RYR2: variants seen among roughly 807,000 people sequenced by gnomAD.
RYR2 encodes ryanodine receptor 2, also known as cardiac muscle ryanodine receptor-calcium release channel.
A neutral mutation model predicts 601.1 loss-of-function variants in RYR2; 227 were observed. That is an observed-to-expected ratio of 0.38 (90% confidence interval 0.34 to 0.42). RYR2 has a LOEUF of 0.42. Ranked by LOEUF, RYR2 falls within the 10% of genes least tolerant of loss-of-function variation. RYR2 has a pLI of 1.00. For synonymous variants in RYR2, 2,223 were observed against 2,175.1 expected, an observed-to-expected ratio of 1.02 and a Z score of -0.61; for missense variants, 4,646 against 6,156.5, an observed-to-expected ratio of 0.75 and a Z score of 8.21.
At chr1:237,158,978 T>A (rs374421549) in intron 1 of RYR2, among the ~76,000 whole-genome samples, 2 of 152,190 alleles carry the variant, frequency 1.3e-5, no homozygotes, top group Non-Finnish European at 2.9e-5. Flanking sequence ...GTGTAAGTCA[T>A]CCACTGGTGT....
At chr1:237,190,723 C>T (rs1388124041) in intron 1 of RYR2, among the ~76,000 whole-genome samples, 2 of 152,158 alleles carry the variant, frequency 1.3e-5, no homozygotes, top group Non-Finnish European at 2.9e-5. Flanking sequence ...TGTGCATAGG[C>T]TGCATGTGAA....
chr1:237,134,406 G>A (rs1384208816), intron 1 of RYR2, among the ~76,000 whole-genome samples: 1 of 152,214 alleles, frequency 6.6e-6, no homozygotes, highest in Non-Finnish European at 1.5e-5. Context: ...AGGCCCCACA[G>A]TCATGGCGGA....
At chr1:237,720,703 C>T (rs16832084) in intron 73 of RYR2, among the ~76,000 whole-genome samples, 4,187 of 152,222 alleles carry the variant, frequency 0.028, 189 homozygotes, top group African/African-American at 0.094. Flanking sequence ...CTAGACCATA[C>T]CTGGAGCACC....
In RYR2 at chr1:237,150,754, T is replaced by G. The variant is rs151277956; in HGVS notation, c.48+108185T>G. 7.4e-3 allele frequency among the ~76,000 whole-genome samples: 1,132 copies of G among 152,288 alleles called. 52 individuals carry two copies. The highest frequency in any genetic ancestry group is 0.068 in the Admixed American group (1,042 of 15,288). ...AGATGAAGCTCTTGAATGTTTTAGC[T>G]GGAGGATTCTGGAAATCCTTCTGGA... On this transcript the variant is annotated intron_variant, in intron 1 of 104. Coordinates refer to ENST00000366574, the MANE Select transcript of RYR2 (RefSeq NM_001035.3).
At position 237,666,602 on chromosome 1, in the gene RYR2, A is replaced by G; in HGVS notation, c.8514+13A>G. The G allele has an allele frequency of 6.3e-7, 1 of 1,592,750 alleles. No homozygotes were observed. Among genetic ancestry groups the G allele is most frequent in the African/African-American group, 1.3e-5 (1 of 74,536 alleles). ...TAGAGACCTGCATGTAAGTACTATT[A>G]ACTTTTAAAAATAGTCTCCAAATTT... On this transcript the variant is annotated intron_variant, in intron 57 of 104. Coordinates refer to ENST00000366574, the MANE Select transcript of RYR2 (RefSeq NM_001035.3).
chr1:237,477,340 G>A (rs1006936885), intron 17 of RYR2, among the ~76,000 whole-genome samples: 30 of 151,098 alleles, frequency 2.0e-4, no homozygotes, highest in Admixed American at 7.2e-4. Context: ...GCAGTGAGCC[G>A]AGATCACACC....
At chr1:237,547,530 C>T (rs1669954875) in intron 25 of RYR2, among the ~76,000 whole-genome samples, 2 of 152,054 alleles carry the variant, frequency 1.3e-5, no homozygotes, top group African/African-American at 4.8e-5. Flanking sequence ...AGAAACAGAT[C>T]CTGACCTCAA....
chr1:237,733,677 A>T lies in RYR2; in HGVS notation c.11040-28A>T, dbSNP rs112919056. The T allele has an allele frequency of 8.4e-6, 13 of 1,553,852 alleles. No individual in the cohort carries two copies. The African/African-American group carries it at 1.2e-4, about 15-fold the overall frequency. On this transcript the variant is annotated intron_variant, in intron 78 of 104. Transcript: ENST00000366574. ...CATGTGCCTAGCCTTCTGCTTAAAC[A>T]CTGATGTTTTCTTCTTGCTTTCCCC...
At chr1:237,369,670 C>A in intron 6 of RYR2, 62 bp downstream of exon 6, 3 of 1,307,916 alleles carry the variant, frequency 2.3e-6, no homozygotes, top group South Asian at 2.6e-5. Context: ...GGTACATGGT[C>A]TGCAAATGCT....
Position 237,410,446 on chromosome 1 carries a change from T to G in RYR2, c.774-6603T>G, listed in dbSNP as rs141304575. 2.4e-3 allele frequency among the ~76,000 whole-genome samples: 360 copies of G among 152,150 alleles called. 4 individuals are homozygous for G. Among genetic ancestry groups the G allele is most frequent in the African/African-American group, 8.3e-3 (344 of 41,532 alleles). On this transcript the variant is annotated intron_variant, in intron 10 of 104. Coordinates refer to ENST00000366574, the MANE Select transcript of RYR2 (RefSeq NM_001035.3). ...TTATCCAGCTAGCTTTCTCTGAGAT[T>G]AAAATGACCAATAATATGGGTAGAA...
intron 1 of RYR2, among the ~76,000 whole-genome samples, chr1:237,269,200 G>A (rs1263540707): frequency 1.1e-4 from 17 of 151,160 alleles, no homozygotes; most frequent in Admixed American, 7.9e-4. Flanking sequence ...GTGCCACCAC[G>A]CCCAGCTAAT....
intron 7 of RYR2, among the ~76,000 whole-genome samples, chr1:237,375,846 G>A (rs940922275): frequency 2.6e-5 from 4 of 152,162 alleles, no homozygotes; most frequent in South Asian, 2.1e-4. Flanking sequence ...AGTAAAAGAC[G>A]CAGTCTAGAA....
At chr1:237,695,956 T>C (rs1687387432) in intron 63 of RYR2, among the ~76,000 whole-genome samples, 1 of 152,180 alleles carries the variant, frequency 6.6e-6, no homozygotes, top group Non-Finnish European at 1.5e-5. Flanking sequence ...ATACACAGTT[T>C]CAGTCAACCC....
intron 63 of RYR2, among the ~76,000 whole-genome samples, chr1:237,693,721 T>C (rs1196323571): frequency 6.6e-6 from 1 of 152,242 alleles, no homozygotes; most frequent in Non-Finnish European, 1.5e-5. Flanking sequence ...GCCTGACTTA[T>C]ACCAGTAGAT....
At chr1:237,762,256 C>T (rs1693488082) in intron 84 of RYR2, among the ~76,000 whole-genome samples, 2 of 152,278 alleles carry the variant, frequency 1.3e-5, no homozygotes, top group South Asian at 2.1e-4. Flanking sequence ...GAAGGCCAGA[C>T]CTTTGAGAAA....
chr1:237,114,797 C>T (rs1669878007), intron 1 of RYR2, among the ~76,000 whole-genome samples: 1 of 152,224 alleles, frequency 6.6e-6, no homozygotes, highest in African/African-American at 2.4e-5. Context: ...GTTACTCAAC[C>T]TCTCTGATCC....
intron 1 of RYR2, among the ~76,000 whole-genome samples, chr1:237,185,078 C>A (rs2148970189): frequency 6.6e-6 from 1 of 152,190 alleles, no homozygotes; most frequent in African/African-American, 2.4e-5. Context: ...GTTTCCCAGA[C>A]TGGTCTTGAA....
intron 16 of RYR2, among the ~76,000 whole-genome samples, chr1:237,465,818 T>C (rs1660026016): frequency 6.6e-6 from 1 of 152,222 alleles, no homozygotes; most frequent in Non-Finnish European, 1.5e-5. Context: ...TGTAAGCAAT[T>C]GTAGCACAGT....
intron 24 of RYR2, among the ~76,000 whole-genome samples, chr1:237,519,393 TA>T (rs1666875783): frequency 6.6e-6 from 1 of 152,184 alleles, no homozygotes; most frequent in Admixed American, 6.5e-5. Flanking sequence ...GATTTTCTTC[TA>T]GTATTTTTAT....
Sources: allele counts gnomAD v4.1 joint callset (sites outside exome capture counted in the v4.1 genomes callset), GRCh38; gene constraint gnomAD v4.1.1; transcripts MANE v1.5; gene names NCBI Gene and HGNC (gene_info 2026-07-23, HGNC 2026-07-21).